The following LOC400499 variants were observed in gnomAD, a reference collection of about 807,000 sequenced individuals.
the LOC400499 span, among the ~76,000 whole-genome samples, chr16:11,518,362 T>C: frequency 6.6e-6 from 1 of 151,354 alleles, no homozygotes; most frequent in Non-Finnish European, 1.5e-5. Flanking sequence ...CAGGGAGGCC[T>C]GGGAAACAAG....
the LOC400499 span, among the ~76,000 whole-genome samples, chr16:11,380,174 A>ATAAT: frequency 6.6e-6 from 1 of 152,290 alleles, no homozygotes; most frequent in South Asian, 2.1e-4. Flanking sequence ...ATCCAATAAA[A>ATAAT]TAATTACAGA....
the LOC400499 span, among the ~76,000 whole-genome samples, chr16:11,401,639 G>A: frequency 6.6e-6 from 1 of 152,370 alleles, no homozygotes; most frequent in East Asian, 1.9e-4. Flanking sequence ...AGATGGGACT[G>A]GAGGTCGCGC....
At chr16:11,441,198 G>A in the LOC400499 span, 1 of 397,560 alleles carries the variant, frequency 2.5e-6, no homozygotes, top group Non-Finnish European at 4.4e-6. Context: ...GGGTTATGGA[G>A]CAGTCTACAC....
the LOC400499 span, among the ~76,000 whole-genome samples, chr16:11,522,551 G>C: frequency 7.2e-5 from 11 of 152,160 alleles, no homozygotes; most frequent in Admixed American, 2.6e-4. Context: ...AGGGGAGGGA[G>C]GGCCACAATC....
At chr16:11,502,138 G>A in the LOC400499 span, 2 of 398,986 alleles carry the variant, frequency 5.0e-6, no homozygotes, top group Non-Finnish European at 8.8e-6. Flanking sequence ...CCCCCAGAAA[G>A]GCCCTGGAGC....
the LOC400499 span, among the ~76,000 whole-genome samples, chr16:11,498,689 A>G: frequency 6.6e-6 from 1 of 151,738 alleles, no homozygotes; most frequent in Admixed American, 6.6e-5. Flanking sequence ...AAGAAAATAC[A>G]GCCCAGAGAG....
At chr16:11,383,766 G>A in the LOC400499 span, 1 of 1,232,338 alleles carries the variant, frequency 8.1e-7, no homozygotes, top group Non-Finnish European at 1.0e-6. Context: ...ACAGGCTGAG[G>A]AATGGTGTAG....
chr16:11,526,155 A>T, the LOC400499 span, among the ~76,000 whole-genome samples: 1 of 152,184 alleles, frequency 6.6e-6, no homozygotes, highest in Non-Finnish European at 1.5e-5. Context: ...CAAATAAAAG[A>T]CCCCACAATC....
At chr16:11,383,105 G>A in the LOC400499 span, among the ~76,000 whole-genome samples, 3 of 150,060 alleles carry the variant, frequency 2.0e-5, no homozygotes, top group South Asian at 6.3e-4. Flanking sequence ...TCACTCTGTT[G>A]CCCAGGCTAG....
chr16:11,515,445 G>T, the LOC400499 span, among the ~76,000 whole-genome samples: 1 of 151,958 alleles, frequency 6.6e-6, no homozygotes, highest in South Asian at 2.1e-4. Flanking sequence ...GACAGAGTGG[G>T]ACTCTGCCTC....
At chr16:11,473,410 T>C in the LOC400499 span, among the ~76,000 whole-genome samples, 5 of 152,122 alleles carry the variant, frequency 3.3e-5, no homozygotes, top group African/African-American at 9.7e-5. Flanking sequence ...CCTGTCTTTT[T>C]ACCCAGTTGA....
At chr16:11,404,678 C>T in the LOC400499 span, 1 of 399,130 alleles carries the variant, frequency 2.5e-6, no homozygotes, top group Non-Finnish European at 4.4e-6. Context: ...TGGGCCACCC[C>T]TGCCTGCAGC....
At chr16:11,384,753 G>A in the LOC400499 span, 29 of 735,390 alleles carry the variant, frequency 3.9e-5, no homozygotes, top group Middle Eastern at 4.4e-4. Context: ...GAGGGCACAC[G>A]CGCTGCCATG....
the LOC400499 span, chr16:11,450,766 T>C: frequency 6.5e-7 from 1 of 1,536,040 alleles, no homozygotes; most frequent in South Asian, 1.2e-5. Context: ...GTGTGGCCAG[T>C]ATAGCCTGTG....
the LOC400499 span, chr16:11,462,036 A>C: frequency 8.1e-7 from 1 of 1,228,150 alleles, no homozygotes; most frequent in African/African-American, 1.5e-5. Context: ...TGCAGTGATG[A>C]GGACCATAAG....
the LOC400499 span, chr16:11,390,368 G>A: frequency 8.1e-7 from 1 of 1,235,204 alleles, no homozygotes; most frequent in African/African-American, 1.5e-5. Context: ...CAGGCCTGCA[G>A]CCGCCGCATG....
chr16:11,506,844 C>A, the LOC400499 span, among the ~76,000 whole-genome samples: 1 of 152,240 alleles, frequency 6.6e-6, no homozygotes, highest in Admixed American at 6.5e-5. Flanking sequence ...GGTCTATCCC[C>A]CTGGCAACCC....
the LOC400499 span, chr16:11,383,606 G>T: frequency 8.1e-7 from 1 of 1,232,300 alleles, no homozygotes; most frequent in Non-Finnish European, 1.0e-6. Context: ...GCAGATGCCA[G>T]ACGGGGCAGA....
At chr16:11,404,229 C>T in the LOC400499 span, among the ~76,000 whole-genome samples, 15 of 152,154 alleles carry the variant, frequency 9.9e-5, no homozygotes, top group African/African-American at 2.9e-4. Context: ...TCATGCTTGA[C>T]GTTATTTTGC....
Sources: gnomAD v4.1 joint callset for allele counts (sites outside exome capture counted in the v4.1 genomes callset) on GRCh38, gnomAD v4.1.1 for gene constraint, MANE v1.5 for transcripts.